Variants in MGAT4C observed in about 807,000 individuals in gnomAD.
MGAT4C encodes the protein alpha-1,3-mannosyl-glycoprotein 4-beta-N-acetylglucosaminyltransferase C.
In MGAT4C, 19 loss-of-function variants were observed where a neutral mutation model predicts 40.1. The observed-to-expected ratio is 0.47, with a 90% CI of 0.33 to 0.70. The LOEUF (loss-of-function observed/expected upper bound fraction) is 0.70. Ranked by LOEUF, MGAT4C falls within the 30% of genes least tolerant of loss-of-function variation. The probability of loss-of-function intolerance (pLI) is 0.02; values close to 1 mark genes in which losing one functional copy is unlikely to be tolerated. For missense variants in MGAT4C, 491 were observed against 563.2 expected, an observed-to-expected ratio of 0.87 and a Z score of 1.30; for synonymous variants, 181 against 187.1, an observed-to-expected ratio of 0.97 and a Z score of 0.27.
chr12:86,520,505 T>C (rs1958774176), intron 2 of MGAT4C, among the ~76,000 whole-genome samples: 1 of 152,194 alleles, frequency 6.6e-6, no homozygotes, highest in African/African-American at 2.4e-5. Context: ...CTCCTTATCA[T>C]TGCAATTGTG....
chr12:86,474,132 A>C (rs993682964), intron 2 of MGAT4C, among the ~76,000 whole-genome samples: 11 of 152,066 alleles, frequency 7.2e-5, no homozygotes, highest in East Asian at 1.9e-4. Flanking sequence ...AAATGTCCAA[A>C]AATGATAGAC....
At chr12:86,229,707 G>A (rs547203188) in intron 1 of MGAT4C, among the ~76,000 whole-genome samples, 37 of 152,078 alleles carry the variant, frequency 2.4e-4, no homozygotes, top group Admixed American at 4.6e-4. Context: ...AAAACAAGAT[G>A]AGCATCTTAA....
chr12:86,358,061 G>A (rs1294015449), intron 3 of MGAT4C, among the ~76,000 whole-genome samples: 1 of 152,136 alleles, frequency 6.6e-6, no homozygotes. Context: ...AGGAAAAAAT[G>A]TTAAGGGCAG....
intron 1 of MGAT4C, among the ~76,000 whole-genome samples, chr12:86,207,760 T>A (rs918728480): frequency 6.6e-6 from 1 of 152,158 alleles, no homozygotes; most frequent in African/African-American, 2.4e-5. Flanking sequence ...TCTAATTTTT[T>A]AAAAAAGCAA....
At chr12:86,772,066 T>C (rs1425911380) in intron 1 of MGAT4C, among the ~76,000 whole-genome samples, 1 of 152,134 alleles carries the variant, frequency 6.6e-6, no homozygotes, top group Non-Finnish European at 1.5e-5. Flanking sequence ...ATATCCATAC[T>C]GCAAAAAATC....
At chr12:86,072,736 A>C (rs1321238591) in intron 1 of MGAT4C, among the ~76,000 whole-genome samples, 2 of 152,164 alleles carry the variant, frequency 1.3e-5, no homozygotes, top group African/African-American at 4.8e-5. Context: ...TGAACAAAAG[A>C]AATACGCAAC....
intron 2 of MGAT4C, among the ~76,000 whole-genome samples, chr12:86,566,548 ATATATATATATATATATATATATATATG>A (rs1565853433): frequency 6.6e-5 from 7 of 106,308 alleles, no homozygotes; most frequent in Admixed American, 2.8e-4. Context: ...ATATATATAT[ATATATATATATATATATATATATATATG>A]TATATGTATA....
At chr12:86,049,651 C>T (rs1280262853) in intron 2 of MGAT4C, 23 bp downstream of exon 2, 1 of 971,472 alleles carries the variant, frequency 1.0e-6, no homozygotes, top group Non-Finnish European at 1.2e-6. Flanking sequence ...TAGAATACTA[C>T]CATGAATGAC....
chr12:86,184,129 A>AT (rs1436615009), intron 1 of MGAT4C, among the ~76,000 whole-genome samples: 2 of 152,102 alleles, frequency 1.3e-5, no homozygotes, highest in Non-Finnish European at 2.9e-5. Context: ...TGTAGCATTG[A>AT]TTTTTTTGAC....
chr12:86,631,666 A>G (rs1330764962), intron 2 of MGAT4C, among the ~76,000 whole-genome samples: 3 of 152,048 alleles, frequency 2.0e-5, no homozygotes, highest in African/African-American at 4.8e-5. Context: ...AGGATTCCCT[A>G]TTTAATAAAT....
At chr12:86,547,882 A>C (rs1033594677) in intron 2 of MGAT4C, among the ~76,000 whole-genome samples, 1 of 152,092 alleles carries the variant, frequency 6.6e-6, no homozygotes, top group African/African-American at 2.4e-5. Flanking sequence ...CAGGGTAGGC[A>C]TGTTTTTCTG....
chr12:86,673,918 A>G (rs999636176), intron 2 of MGAT4C, among the ~76,000 whole-genome samples: 5 of 152,024 alleles, frequency 3.3e-5, no homozygotes, highest in South Asian at 2.1e-4. Flanking sequence ...GTTACTCTTC[A>G]TCTTATTTAA....
Position 85,979,032 on chromosome 12 carries a change from T to A in MGAT4C, c.*257A>T, listed in dbSNP as rs1482436811. 7.6e-6 allele frequency: 2 copies of A among 261,648 alleles called. No homozygotes were observed. Among genetic ancestry groups the A allele is most frequent in the Non-Finnish European group, 1.4e-5 (2 of 138,772 alleles). 16.2% of individuals were successfully genotyped at this position (261,648 alleles called of 1,614,324 possible). A position where few individuals can be genotyped will look rare whatever the true frequency, so the allele number is the denominator to read the frequency against. Reference sequence around the variant, plus strand: ...TTACCCTTTCGACAATCAGTTGAAATTTTAAAACTAAGAACATTTAAAAAT... The same window carrying A: ...TTACCCTTTCGACAATCAGTTGAAAATTTAAAACTAAGAACATTTAAAAAT... On this transcript the variant is annotated 3_prime_UTR_variant, in exon 5 of 5. Transcript: ENST00000611864.
chr12:86,611,501 C>G (rs888717397), intron 2 of MGAT4C, among the ~76,000 whole-genome samples: 3 of 83,076 alleles, frequency 3.6e-5, no homozygotes, highest in South Asian at 3.8e-4. Flanking sequence ...TAGATAGATA[C>G]ATGTTTGTAT....
rs56952745 is a variant in MGAT4C, at chr12:86,203,975, A to AATATATATATATATATATATATATATAT, written c.-57+52263_-57+52264insATATATATATATATATATATATATATAT. On this transcript the variant is annotated intron_variant, in intron 1 of 4. Coordinates refer to ENST00000611864, the MANE Select transcript of MGAT4C (RefSeq NM_001351288.2). ...TTCGTCTCAAAAAAAAAAAAAAAGA[A>AATATATATATATATATATATATATATAT]ATATATATATATATATATGCCTTAT... Among the ~76,000 whole-genome samples, 973 of 136,094 alleles carry AATATATATATATATATATATATATATAT rather than the reference A, an allele frequency of 7.1e-3. 10 individuals are homozygous for AATATATATATATATATATATATATATAT. Among genetic ancestry groups the AATATATATATATATATATATATATATAT allele is most frequent in the Non-Finnish European group, 0.01 (625 of 60,436 alleles). The allele number at this position is 136,094 out of a possible 152,430, so 89.3% of individuals were successfully genotyped here. A position where few individuals can be genotyped will look rare whatever the true frequency, so the allele number is the denominator to read the frequency against.
At chr12:86,091,039 C>A (rs532616368) in intron 1 of MGAT4C, among the ~76,000 whole-genome samples, 1 of 151,622 alleles carries the variant, frequency 6.6e-6, no homozygotes, top group African/African-American at 2.4e-5. Context: ...ACATAATGTA[C>A]CAAGTGAAAT....
intron 3 of MGAT4C, among the ~76,000 whole-genome samples, chr12:86,383,132 G>A (rs1322885531): frequency 6.6e-6 from 1 of 152,182 alleles, no homozygotes; most frequent in East Asian, 1.9e-4. Flanking sequence ...GCAGCCAGGA[G>A]AGGGGTTATA....
intron 1 of MGAT4C, among the ~76,000 whole-genome samples, chr12:86,103,268 C>T (rs529565278): frequency 6.6e-6 from 1 of 152,182 alleles, no homozygotes; most frequent in African/African-American, 2.4e-5. Context: ...TTTTATGTGG[C>T]AGAAAATGTA....
At chr12:86,409,778 G>A (rs578070160) in intron 3 of MGAT4C, among the ~76,000 whole-genome samples, 177 of 152,248 alleles carry the variant, frequency 1.2e-3, no homozygotes, top group Middle Eastern at 6.8e-3. Context: ...CTATTCTCAT[G>A]ATATTGAGTT....
Sources: allele counts gnomAD v4.1 joint callset (sites outside exome capture counted in the v4.1 genomes callset), GRCh38; gene constraint gnomAD v4.1.1; transcripts MANE v1.5; gene names NCBI Gene and HGNC (gene_info 2026-07-23, HGNC 2026-07-21).